Variants in PCGF5 observed in about 807,000 individuals in gnomAD.
The protein encoded by PCGF5 is polycomb group ring finger 5.
Under a neutral mutation model 44.3 loss-of-function variants are expected in PCGF5, and 9 were observed. The observed-to-expected ratio is 0.20, with a 90% CI of 0.12 to 0.35. PCGF5 has a LOEUF of 0.35. Ranked by LOEUF, PCGF5 falls within the 10% of genes least tolerant of loss-of-function variation. The pLI is 1.00. For synonymous variants in PCGF5, 95 were observed against 102.5 expected, an observed-to-expected ratio of 0.93 and a Z score of 0.44; for missense variants, 146 against 305.3, an observed-to-expected ratio of 0.48 and a Z score of 3.89.
At chr10:91,202,010 G>A (rs1170582177) in intron 1 of PCGF5, among the ~76,000 whole-genome samples, 1 of 152,152 alleles carries the variant, frequency 6.6e-6, no homozygotes, top group Non-Finnish European at 1.5e-5. Flanking sequence ...CACTGTCCAG[G>A]ATTATATCCA....
At chr10:91,238,606 T>C (rs796462573) in intron 2 of PCGF5, among the ~76,000 whole-genome samples, 14 of 96,324 alleles carry the variant, frequency 1.5e-4, no homozygotes, top group African/African-American at 4.5e-4. Flanking sequence ...TCTTTCTTTT[T>C]TTTTTTTTTT....
At chr10:91,200,764 A>G (rs11186498) in intron 1 of PCGF5, among the ~76,000 whole-genome samples, 77,459 of 152,090 alleles carry the variant, frequency 0.51, 24,277 homozygotes, top group Non-Finnish European at 0.7. Flanking sequence ...GACAGTGGGC[A>G]AATTAAGCTT....
chr10:91,187,740 T>C (rs1011028672), intron 1 of PCGF5, among the ~76,000 whole-genome samples: 7 of 152,210 alleles, frequency 4.6e-5, no homozygotes, highest in African/African-American at 1.7e-4. Context: ...TATCTGTGTG[T>C]ATATGTTTAC....
At chr10:91,171,910 T>C (rs1344589837) in intron 1 of PCGF5, among the ~76,000 whole-genome samples, 1 of 152,232 alleles carries the variant, frequency 6.6e-6, no homozygotes, top group African/African-American at 2.4e-5. Context: ...TGTCAGTGTC[T>C]GTCTTTAAAA....
At chr10:91,249,245 C>T (rs1043420277) in intron 5 of PCGF5, among the ~76,000 whole-genome samples, 2 of 151,394 alleles carry the variant, frequency 1.3e-5, no homozygotes, top group Non-Finnish European at 3.0e-5. Flanking sequence ...TTTCTGGGTG[C>T]TTATGGGAAT....
At chr10:91,194,201 C>T (rs1391382877) in intron 1 of PCGF5, among the ~76,000 whole-genome samples, 2 of 152,128 alleles carry the variant, frequency 1.3e-5, no homozygotes, top group Non-Finnish European at 2.9e-5. Flanking sequence ...GAATGTGTCA[C>T]TTTAGGGAGC....
chr10:91,257,288 A>T (rs992870651), intron 6 of PCGF5, among the ~76,000 whole-genome samples: 19 of 151,988 alleles, frequency 1.3e-4, no homozygotes, highest in Admixed American at 1.2e-3. Context: ...ATGGCCAGAA[A>T]TTTTTTTTAA....
At chr10:91,235,710 G>A (rs1475219452) in intron 2 of PCGF5, among the ~76,000 whole-genome samples, 1 of 152,156 alleles carries the variant, frequency 6.6e-6, no homozygotes, top group Non-Finnish European at 1.5e-5. Context: ...TTTCTCAATA[G>A]TGAATAAGTC....
At chr10:91,253,094 G>C (rs1589398290) in intron 6 of PCGF5, among the ~76,000 whole-genome samples, 1 of 151,634 alleles carries the variant, frequency 6.6e-6, no homozygotes, top group East Asian at 1.9e-4. Flanking sequence ...CCTTCTACTT[G>C]ATATATGTAA....
Position 91,279,603 on chromosome 10 carries a change from T to C in PCGF5, c.*1287T>C, listed in dbSNP as rs1218846090. On this transcript the variant is annotated 3_prime_UTR_variant, in exon 10 of 10. Coordinates refer to ENST00000336126, the MANE Select transcript of PCGF5 (RefSeq NM_032373.5). ...GAAAGTCTTGTTACCTTAAATTATA[T>C]GAAAACTGTCATTTTAAATCTTTTA... 1 of 152,136 alleles carries C rather than the reference T, an allele frequency of 6.6e-6. No individual in the cohort carries two copies. Among genetic ancestry groups the C allele is most frequent in the African/African-American group, 2.4e-5 (1 of 41,454 alleles). 9.4% of individuals were successfully genotyped at this position (152,136 alleles called of 1,614,324 possible).
intron 6 of PCGF5, among the ~76,000 whole-genome samples, chr10:91,258,272 T>C (rs1589402416): frequency 6.6e-6 from 1 of 152,138 alleles, no homozygotes; most frequent in East Asian, 1.9e-4. Flanking sequence ...CTGTGAAAGA[T>C]TGTAAGTAGT....
At chr10:91,273,599 T>A (rs1021312105) in intron 9 of PCGF5, among the ~76,000 whole-genome samples, 1 of 152,062 alleles carries the variant, frequency 6.6e-6, no homozygotes, top group African/African-American at 2.4e-5. Flanking sequence ...AACTAAATGG[T>A]TTTATGTTCT....
chr10:91,200,895 A>G (rs1844239397), intron 1 of PCGF5, among the ~76,000 whole-genome samples: 1 of 152,172 alleles, frequency 6.6e-6, no homozygotes, highest in Non-Finnish European at 1.5e-5. Flanking sequence ...TAGGAGGTTG[A>G]TAACATTAGC....
chr10:91,219,015 G>A (rs1844601879), upstream of PCGF5, among the ~76,000 whole-genome samples: 1 of 152,030 alleles, frequency 6.6e-6, no homozygotes, highest in Non-Finnish European at 1.5e-5. Context: ...AATTGGGGTG[G>A]GAGAGATGGA....
At chr10:91,245,692 G>A (rs1298828430) in intron 3 of PCGF5, among the ~76,000 whole-genome samples, 1 of 152,176 alleles carries the variant, frequency 6.6e-6, no homozygotes, top group African/African-American at 2.4e-5. Flanking sequence ...CAACAGGCAG[G>A]CAGACAGCGA....
intron 6 of PCGF5, among the ~76,000 whole-genome samples, chr10:91,252,679 C>G (rs1042044019): frequency 7.9e-5 from 12 of 152,002 alleles, no homozygotes; most frequent in Non-Finnish European, 1.6e-4. Flanking sequence ...AAGTCATCCC[C>G]CTTTTTGGGA....
intron 2 of PCGF5, among the ~76,000 whole-genome samples, chr10:91,231,755 A>C (rs565024547): frequency 2.0e-5 from 3 of 152,354 alleles, no homozygotes; most frequent in South Asian, 4.1e-4. Context: ...TAAAGGAATC[A>C]CTCAGACTAC....
At position 91,278,433 on chromosome 10, in the gene PCGF5, ATAAGGCCATTGTC is replaced by A; in HGVS notation, c.*120_*132del. 1.1e-6 allele frequency: 1 copy of A among 893,898 alleles called. No individual in the cohort carries two copies. 55.4% of individuals were successfully genotyped at this position (893,898 alleles called of 1,614,324 possible). On this transcript the variant is annotated 3_prime_UTR_variant, in exon 10 of 10. Coordinates refer to ENST00000336126, the MANE Select transcript of PCGF5 (RefSeq NM_032373.5). ...ACACAACCAGATTTTCAGCATGCAA[ATAAGGCCATTGTC>A]TATCTCTAAATTGTCAGTTGCATTC... is the stretch of plus-strand genomic sequence containing the variant.
At chr10:91,165,891 G>T (rs1158820890) in intron 1 of PCGF5, among the ~76,000 whole-genome samples, 1 of 152,148 alleles carries the variant, frequency 6.6e-6, no homozygotes, top group Admixed American at 6.5e-5. Context: ...CAGTCTTGTA[G>T]CAATATTTTC....
Sources: allele counts gnomAD v4.1 joint callset (sites outside exome capture counted in the v4.1 genomes callset), GRCh38; gene constraint gnomAD v4.1.1; transcripts MANE v1.5; gene names NCBI Gene and HGNC (gene_info 2026-07-23, HGNC 2026-07-21).